XKR9: variants seen among roughly 807,000 people sequenced by gnomAD.
The protein encoded by XKR9 is XK-related protein 9.
XKR9 carries 32 observed loss-of-function variants against 32.0 expected under a neutral mutation model. The observed-to-expected ratio is 1.00, with a 90% CI of 0.76 to 1.34. The LOEUF (loss-of-function observed/expected upper bound fraction) is 1.34, where lower values mean the gene tolerates loss of function less well. Ranked by LOEUF, XKR9 falls within the 40% of genes most tolerant of loss-of-function variation. The pLI is 0.00. For synonymous variants in XKR9, 168 were observed against 143.4 expected (o/e 1.17, Z -1.22); for missense variants, 546 against 429.7 (o/e 1.27, Z -2.39).
the XKR9 span, among the ~76,000 whole-genome samples, chr8:70,871,402 C>T: frequency 1.3e-5 from 2 of 152,258 alleles, no homozygotes; most frequent in East Asian, 3.9e-4. Context: ...AAGCATCTAT[C>T]AGTGCCATTT....
the XKR9 span, among the ~76,000 whole-genome samples, chr8:70,898,929 T>G: frequency 6.6e-6 from 1 of 152,124 alleles, no homozygotes; most frequent in African/African-American, 2.4e-5. Context: ...CTTTTTCTTT[T>G]TGAGACAGGG....
chr8:70,708,967 T>C (rs960525439), intron 4 of XKR9, among the ~76,000 whole-genome samples: 4 of 152,084 alleles, frequency 2.6e-5, no homozygotes, highest in African/African-American at 9.7e-5. Context: ...ATCATTTTGA[T>C]GCCAAAATCT....
chr8:70,911,375 GATA>G, the XKR9 span, among the ~76,000 whole-genome samples: 1 of 152,116 alleles, frequency 6.6e-6, no homozygotes, highest in Non-Finnish European at 1.5e-5. Context: ...ATATATGTAA[GATA>G]ATACAAATTT....
intron 4 of XKR9, among the ~76,000 whole-genome samples, chr8:70,715,983 C>G (rs1806074275): frequency 6.6e-6 from 1 of 151,210 alleles, no homozygotes; most frequent in Non-Finnish European, 1.5e-5. Flanking sequence ...GAGAGTAAAC[C>G]AAGAAAGATG....
At chr8:70,729,004 C>G (rs963025095) in intron 4 of XKR9, among the ~76,000 whole-genome samples, 1 of 152,156 alleles carries the variant, frequency 6.6e-6, no homozygotes, top group Admixed American at 6.5e-5. Flanking sequence ...TTACTTACCA[C>G]AGATCAGGAA....
the XKR9 span, among the ~76,000 whole-genome samples, chr8:70,888,633 C>T: frequency 5.3e-5 from 8 of 151,872 alleles, no homozygotes; most frequent in Admixed American, 3.9e-4. Flanking sequence ...TTTTATATAT[C>T]GTGAGAGATA....
chr8:70,929,172 G>C, the XKR9 span, among the ~76,000 whole-genome samples: 1 of 152,198 alleles, frequency 6.6e-6, no homozygotes, highest in Non-Finnish European at 1.5e-5. Context: ...TTCCAGAGCA[G>C]TACAATAGAA....
At chr8:71,027,789 G>GC in the XKR9 span, among the ~76,000 whole-genome samples, 1 of 131,160 alleles carries the variant, frequency 7.6e-6, no homozygotes, top group Non-Finnish European at 1.7e-5. Context: ...CGGGGGGGGG[G>GC]GGTCTCACTC....
chr8:70,797,417 C>T, the XKR9 span, among the ~76,000 whole-genome samples: 1 of 152,070 alleles, frequency 6.6e-6, no homozygotes, highest in Non-Finnish European at 1.5e-5. Flanking sequence ...GTGGATTCAA[C>T]CTTTTGAACT....
the XKR9 span, among the ~76,000 whole-genome samples, chr8:70,883,478 C>T: frequency 6.6e-6 from 1 of 152,032 alleles, no homozygotes; most frequent in Non-Finnish European, 1.5e-5. Flanking sequence ...GACTTCTTTC[C>T]TTTGGGTAGA....
chr8:71,008,074 T>A, the XKR9 span, among the ~76,000 whole-genome samples: 2 of 152,042 alleles, frequency 1.3e-5, no homozygotes, highest in African/African-American at 4.8e-5. Flanking sequence ...ACTATAAGAA[T>A]GTTTTACAAA....
chr8:70,969,685 A>C, the XKR9 span, among the ~76,000 whole-genome samples: 2 of 152,196 alleles, frequency 1.3e-5, no homozygotes, highest in Non-Finnish European at 1.5e-5. Context: ...TTTGGCATGA[A>C]GTGTTTTAAA....
chr8:70,851,242 T>C, the XKR9 span, among the ~76,000 whole-genome samples: 1 of 152,064 alleles, frequency 6.6e-6, no homozygotes, highest in Non-Finnish European at 1.5e-5. Context: ...GAAGGACCTA[T>C]TCAAGGAGAA....
chr8:70,691,621 T>C (rs951671611), intron 3 of XKR9, among the ~76,000 whole-genome samples: 1 of 152,238 alleles, frequency 6.6e-6, no homozygotes, highest in Non-Finnish European at 1.5e-5. Context: ...AACTTCAATC[T>C]TCTGTATATG....
the XKR9 span, among the ~76,000 whole-genome samples, chr8:70,837,765 T>C: frequency 6.6e-6 from 1 of 152,118 alleles, no homozygotes; most frequent in South Asian, 2.1e-4. Context: ...AGAGAAGCAG[T>C]GTCCTCAAAG....
At chr8:70,819,140 C>T in the XKR9 span, among the ~76,000 whole-genome samples, 3 of 152,158 alleles carry the variant, frequency 2.0e-5, no homozygotes, top group African/African-American at 4.8e-5. Context: ...TGTTCTTTCA[C>T]GCCCTTGAGC....
At chr8:70,808,738 G>C in the XKR9 span, among the ~76,000 whole-genome samples, 1 of 152,184 alleles carries the variant, frequency 6.6e-6, no homozygotes, top group East Asian at 1.9e-4. Flanking sequence ...AGGTGGCAGC[G>C]AGGCTGGGGA....
At chr8:70,706,682 A>G (rs141165369) in intron 3 of XKR9, among the ~76,000 whole-genome samples, 9 of 152,188 alleles carry the variant, frequency 5.9e-5, no homozygotes, top group South Asian at 2.1e-4. Context: ...TATTGTAAAG[A>G]TGAAATGGGA....
At chr8:70,963,506 T>C in the XKR9 span, among the ~76,000 whole-genome samples, 8 of 152,240 alleles carry the variant, frequency 5.3e-5, no homozygotes, top group Admixed American at 4.6e-4. Context: ...CTGGGTCAAA[T>C]GGTATTTCTG....
Sources: gnomAD v4.1 joint callset for allele counts (sites outside exome capture counted in the v4.1 genomes callset) on GRCh38, gnomAD v4.1.1 for gene constraint, MANE v1.5 for transcripts, NCBI Gene and HGNC (gene_info 2026-07-23, HGNC 2026-07-21) for gene names.